Variants in SLK observed in about 807,000 individuals in gnomAD.
SLK encodes the protein STE20 like kinase.
A neutral mutation model predicts 147.7 loss-of-function variants in SLK; 67 were observed. That is an observed-to-expected ratio of 0.45 (90% CI 0.37 to 0.56). The LOEUF (loss-of-function observed/expected upper bound fraction) is 0.56, where lower values mean the gene tolerates loss of function less well. Among genes scored for constraint, SLK ranks in the 20% least tolerant of loss-of-function variants. The pLI, the probability that SLK is intolerant of heterozygous loss-of-function variation, is 0.00. For missense variants in SLK, 1,136 were observed against 1,438.8 expected, an observed-to-expected ratio of 0.79 and a Z score of 3.41; for synonymous variants, 441 against 475.0, an observed-to-expected ratio of 0.93 and a Z score of 0.93.
chr10:103,989,973 T>A (rs531592774), intron 1 of SLK, among the ~76,000 whole-genome samples: 55 of 152,338 alleles, frequency 3.6e-4, no homozygotes, highest in African/African-American at 1.3e-3. Flanking sequence ...AACTGTGGTA[T>A]AACTAGACAA....
rs1213241363 is a variant in SLK, at chr10:104,019,776, G to T, written c.3175G>T (p.Glu1059Ter). Residue 1059 changes from glutamate (E) to a stop codon, truncating the protein, a stop_gained, in exon 16 of 19, where the codon GAA becomes TAA. Coordinates refer to ENST00000369755, the MANE Select transcript of SLK (RefSeq NM_014720.4). LOFTEE classifies it high-confidence loss of function. ...MQRYNQRLIEELKNRQTQERA... is the reference protein window; with the variant it reads ...MQRYNQRLIE Reference sequence around the variant, plus strand: ...GCGTTACAATCAAAGACTTATTGAGGAATTGAAAAACAGACAGACTCAAGA... The same window carrying T: ...GCGTTACAATCAAAGACTTATTGAGTAATTGAAAAACAGACAGACTCAAGA... The T allele has an allele frequency of 6.2e-7, 1 of 1,614,068 alleles. No individual in the cohort carries two copies. The highest frequency in any genetic ancestry group is 8.5e-7 in the Non-Finnish European group (1 of 1,179,966).
Position 103,967,828 on chromosome 10 carries a change from TG to T in SLK, c.84del (p.Asn29ThrfsTer9). On this transcript the variant is annotated frameshift_variant, in exon 1 of 19. Coordinates refer to ENST00000369755, the MANE Select transcript of SLK (RefSeq NM_014720.4). LOFTEE classifies it high-confidence loss of function. ...CAGTACGAACACGTGAAGAGGGACC[TG>T]AACCCCGAAGACTTTTGGGAGATTA... Reference protein sequence around the residue: ...KKQYEHVKRDLNPEDFWEIIG... With the variant: ...KKQYEHVKRDXNPEDFWEIIG... 1 of 1,614,172 alleles carries T rather than the reference TG, an allele frequency of 6.2e-7. No individual in the cohort carries two copies. The highest frequency in any genetic ancestry group is 8.5e-7 in the Non-Finnish European group (1 of 1,180,010).
Position 104,028,004 on chromosome 10 carries a change from C to CTTT in SLK, c.*2286_*2287insTTT, listed in dbSNP as rs758205099. 2.6e-5 allele frequency: 4 copies of CTTT among 152,154 alleles called. No homozygotes were observed. The highest frequency in any genetic ancestry group is 2.0e-4 in the Admixed American group (3 of 15,276). The allele number at this position is 152,154 out of a possible 1,614,324, so 9.4% of individuals were successfully genotyped here. On this transcript the variant is annotated 3_prime_UTR_variant, in exon 19 of 19. Coordinates refer to ENST00000369755, the MANE Select transcript of SLK (RefSeq NM_014720.4). ...TAGAGGTAAAGCATTCATTTTAATA[C>CTTT]TTAAAGTTATATAAATCTTTTCAAA...
chr10:104,014,523 T>C (rs578231707), intron 13 of SLK, among the ~76,000 whole-genome samples: 1 of 152,278 alleles, frequency 6.6e-6, no homozygotes, highest in African/African-American at 2.4e-5. Context: ...TTGGCAGCTG[T>C]TTGACTTTTT....
At chr10:103,996,626 C>T (rs1485850373) in intron 4 of SLK, among the ~76,000 whole-genome samples, 9 of 152,032 alleles carry the variant, frequency 5.9e-5, no homozygotes, top group Non-Finnish European at 7.4e-5. Context: ...TCTTGATCTC[C>T]TGACCTCGTG....
chr10:104,012,626 G>C (rs1010804668), intron 13 of SLK, among the ~76,000 whole-genome samples: 4 of 152,216 alleles, frequency 2.6e-5, no homozygotes, highest in African/African-American at 9.7e-5. Flanking sequence ...CACCTGGGTA[G>C]TGGTAGAGCC....
intron 4 of SLK, 22 bp from the exon 5 acceptor site, chr10:103,998,876 TG>T: frequency 6.3e-7 from 1 of 1,577,110 alleles, no homozygotes; most frequent in Non-Finnish European, 8.7e-7. Context: ...TTCTCATTAA[TG>T]CTTTTGTGTG....
intron 1 of SLK, among the ~76,000 whole-genome samples, chr10:103,989,213 TC>T (rs1451866115): frequency 3.9e-5 from 6 of 152,100 alleles, no homozygotes; most frequent in African/African-American, 1.4e-4. Context: ...TAAAAAATGG[TC>T]AAAAGATTTG....
In SLK at chr10:103,978,981, G is replaced by A. The variant is rs1843905826; in HGVS notation, c.150+11086G>A. ...GTCATTTTAGCATCTCAATTTTAAA[G>A]AAATGTACTGGAAATCAAGATATTT... On this transcript the variant is annotated intron_variant, in intron 1 of 18. Coordinates refer to ENST00000369755, the MANE Select transcript of SLK (RefSeq NM_014720.4). Among the ~76,000 whole-genome samples the A allele has an allele frequency of 3.3e-5, 5 of 149,754 alleles. No homozygotes were observed. The South Asian group carries it at 1.1e-3, about 32-fold the overall frequency.
At chr10:103,989,982 A>G (rs527693551) in intron 1 of SLK, among the ~76,000 whole-genome samples, 1 of 152,244 alleles carries the variant, frequency 6.6e-6, no homozygotes, top group Non-Finnish European at 1.5e-5. Context: ...ATAACTAGAC[A>G]ATAGAATATT....
At chr10:104,020,393 A>G (rs553681763) in intron 16 of SLK, 95 bp from the exon 17 acceptor site, 2 of 1,213,056 alleles carry the variant, frequency 1.6e-6, no homozygotes, top group South Asian at 3.2e-5. Flanking sequence ...GCTTCAGTTT[A>G]TTGTGCCTTG....
At chr10:103,980,176 C>T (rs1337629936) in intron 1 of SLK, among the ~76,000 whole-genome samples, 1 of 152,142 alleles carries the variant, frequency 6.6e-6, no homozygotes, top group African/African-American at 2.4e-5. Flanking sequence ...AGTATATTTC[C>T]ATGACATTCT....
At chr10:104,000,952 G>C (rs904370929) in intron 7 of SLK, among the ~76,000 whole-genome samples, 1 of 150,592 alleles carries the variant, frequency 6.6e-6, no homozygotes, top group Non-Finnish European at 1.5e-5. Flanking sequence ...TTAGCTACTC[G>C]GGAGGCTGAG....
chr10:103,979,829 G>T (rs1050847609), intron 1 of SLK, among the ~76,000 whole-genome samples: 1 of 151,934 alleles, frequency 6.6e-6, no homozygotes, highest in African/African-American at 2.4e-5. Flanking sequence ...CTCTCTTTAG[G>T]ATTTTCTTTT....
intron 1 of SLK, among the ~76,000 whole-genome samples, chr10:103,990,079 A>G: frequency 6.6e-6 from 1 of 152,252 alleles, no homozygotes; most frequent in Non-Finnish European, 1.5e-5. Flanking sequence ...GAAGCTAAAC[A>G]GAAAGGTCTA....
chr10:104,012,515 T>C (rs1037928179), intron 13 of SLK, among the ~76,000 whole-genome samples: 4 of 152,322 alleles, frequency 2.6e-5, no homozygotes, highest in South Asian at 2.1e-4. Flanking sequence ...TATGAACTTA[T>C]TTAATCTGAG....
At chr10:104,006,488 C>T (rs1415923753) in intron 11 of SLK, among the ~76,000 whole-genome samples, 2 of 152,166 alleles carry the variant, frequency 1.3e-5, no homozygotes. Flanking sequence ...TCTCTGGCTT[C>T]TACAGTTAAG....
chr10:104,005,393 G>A lies in SLK; in HGVS notation c.2350-168G>A, dbSNP rs551760564. On this transcript the variant is annotated intron_variant, in intron 9 of 18. Transcript: ENST00000369755. ...GATGACGTTTAAGGTGTTATAACTG[G>A]TTCCACAGATGAGTCTATTGCTTTA... 3.0e-4 allele frequency among the ~76,000 whole-genome samples: 45 copies of A among 152,272 alleles called. 1 individual carries two copies. In the South Asian group the frequency reaches 6.8e-3, roughly 23 times the overall value.
chr10:103,989,540 C>A (rs946011887), intron 1 of SLK, among the ~76,000 whole-genome samples: 11 of 138,394 alleles, frequency 7.9e-5, no homozygotes, highest in African/African-American at 3.0e-4. Flanking sequence ...GCAATTTCGG[C>A]TCACTGCAAG....
Sources: gnomAD v4.1 joint callset for allele counts (sites outside exome capture counted in the v4.1 genomes callset) on GRCh38, gnomAD v4.1.1 for gene constraint, MANE v1.5 for transcripts, NCBI Gene and HGNC (gene_info 2026-07-23, HGNC 2026-07-21) for gene names.